Variants in METTL15 observed in about 807,000 individuals in gnomAD.
The protein encoded by METTL15 is 12S rRNA N(4)-cytidine methyltransferase METTL15.
Under a neutral mutation model 38.3 loss-of-function variants are expected in METTL15, and 34 were observed. The observed-to-expected ratio is 0.89, with a 90% confidence interval of 0.68 to 1.18. The LOEUF (loss-of-function observed/expected upper bound fraction) is 1.18, where lower values mean the gene tolerates loss of function less well. METTL15 is among the 50% of genes most tolerant of loss of function. METTL15 has a pLI of 0.00. For missense variants in METTL15, 438 were observed against 498.4 expected, an observed-to-expected ratio of 0.88 and a Z score of 1.15; for synonymous variants, 162 against 170.9, an observed-to-expected ratio of 0.95 and a Z score of 0.41.
intron 5 of METTL15, among the ~76,000 whole-genome samples, chr11:28,387,876 A>C (rs1850456914): frequency 6.6e-6 from 1 of 152,138 alleles, no homozygotes; most frequent in African/African-American, 2.4e-5. Flanking sequence ...GAGTCCTGCA[A>C]TGCAAATATG....
At position 28,278,102 on chromosome 11, in the gene METTL15, G is replaced by T. The variant is rs1428606383; in HGVS notation, c.408-12104G>T. ...AATTTCACATCTGCCCCATAAACTT[G>T]TACAAAAACAACAACCCAGAAAAGC... On this transcript the variant is annotated intron_variant, in intron 4 of 6. Transcript: ENST00000407364. Among the ~76,000 whole-genome samples the T allele has an allele frequency of 3.3e-5, 5 of 152,164 alleles. No individual in the cohort carries two copies. The South Asian group carries it at 1.0e-3, about 32-fold the overall frequency.
At chr11:28,296,122 A>T (rs1355733428) in intron 5 of METTL15, among the ~76,000 whole-genome samples, 2 of 152,102 alleles carry the variant, frequency 1.3e-5, no homozygotes, top group East Asian at 3.9e-4. Context: ...CTGCTTATTG[A>T]TTACCAGGTT....
At chr11:28,285,275 A>G (rs756296881) in intron 4 of METTL15, among the ~76,000 whole-genome samples, 2 of 152,196 alleles carry the variant, frequency 1.3e-5, no homozygotes, top group South Asian at 4.2e-4. Context: ...AGCTTGTCCA[A>G]CCCACGGCCC....
chr11:28,195,849 G>T (rs534100057), intron 3 of METTL15, among the ~76,000 whole-genome samples: 1 of 152,000 alleles, frequency 6.6e-6, no homozygotes, highest in Non-Finnish European at 1.5e-5. Context: ...TCAGGTCTTA[G>T]ATTTAAGTCT....
chr11:28,219,452 T>C (rs1049417918), intron 4 of METTL15, among the ~76,000 whole-genome samples: 1 of 152,190 alleles, frequency 6.6e-6, no homozygotes, highest in South Asian at 2.1e-4. Context: ...TTCTCTCTTT[T>C]CTTCTTTATT....
chr11:28,279,328 T>C (rs768733612), intron 4 of METTL15, among the ~76,000 whole-genome samples: 3 of 152,204 alleles, frequency 2.0e-5, no homozygotes, highest in Non-Finnish European at 2.9e-5. Context: ...AGCCTAAAAT[T>C]TGATTGTTAA....
intron 4 of METTL15, among the ~76,000 whole-genome samples, chr11:28,226,600 G>T (rs532906218): frequency 2.0e-5 from 3 of 151,920 alleles, no homozygotes; most frequent in African/African-American, 7.2e-5. Context: ...TACACAGGAA[G>T]CCAGAGCAAT....
chr11:28,318,027 C>T (rs1857540869), intron 6 of METTL15, among the ~76,000 whole-genome samples: 1 of 152,118 alleles, frequency 6.6e-6, no homozygotes, highest in Admixed American at 6.6e-5. Flanking sequence ...TTGCGTTTAC[C>T]AGAAATTTAC....
At chr11:28,469,478 TGTA>T (rs1470589939) in intron 6 of METTL15, among the ~76,000 whole-genome samples, 1 of 152,126 alleles carries the variant, frequency 6.6e-6, no homozygotes, top group African/African-American at 2.4e-5. Context: ...TATTACTAAT[TGTA>T]GTCACCATGC....
chr11:28,444,802 G>A (rs1346613656), intron 6 of METTL15, among the ~76,000 whole-genome samples: 4 of 152,092 alleles, frequency 2.6e-5, no homozygotes, highest in Admixed American at 6.5e-5. Context: ...CATTCTCACC[G>A]TAGCCTACAC....
chr11:28,173,891 T>A (rs910276286), intron 3 of METTL15, among the ~76,000 whole-genome samples: 1 of 152,224 alleles, frequency 6.6e-6, no homozygotes, highest in African/African-American at 2.4e-5. Flanking sequence ...ACTTAAGTTA[T>A]GGGTTTCGGG....
intron 5 of METTL15, among the ~76,000 whole-genome samples, chr11:28,389,325 C>T (rs1850476438): frequency 6.6e-6 from 1 of 150,688 alleles, no homozygotes. Flanking sequence ...TGGTGTGCTG[C>T]ACCCATTAAC....
intron 6 of METTL15, among the ~76,000 whole-genome samples, chr11:28,435,805 T>C (rs1197488022): frequency 2.0e-5 from 3 of 152,344 alleles, no homozygotes; most frequent in African/African-American, 7.2e-5. Flanking sequence ...TGCTAGACTT[T>C]GCCTGAATTC....
chr11:28,421,764 C>A (rs1850822462), intron 5 of METTL15, among the ~76,000 whole-genome samples: 1 of 152,072 alleles, frequency 6.6e-6, no homozygotes, highest in African/African-American at 2.4e-5. Flanking sequence ...AAACCCTTTC[C>A]TCCAAGATCT....
chr11:28,424,384 C>T (rs1752157287), intron 6 of METTL15: 1 of 151,964 alleles, frequency 6.6e-6, no homozygotes, highest in South Asian at 2.1e-4. Context: ...TATTATAGGC[C>T]CCTCTCTCCC....
chr11:28,130,232 G>A (rs1473617710), intron 3 of METTL15, among the ~76,000 whole-genome samples: 1 of 152,048 alleles, frequency 6.6e-6, no homozygotes, highest in East Asian at 1.9e-4. Context: ...GATCACACGA[G>A]CCCTGGAGGT....
chr11:28,531,350 C>T (rs1407849641), downstream of METTL15, among the ~76,000 whole-genome samples: 1 of 151,974 alleles, frequency 6.6e-6, no homozygotes, highest in African/African-American at 2.4e-5. Context: ...TCCTTGATAG[C>T]TCTAATTTCT....
intron 5 of METTL15, among the ~76,000 whole-genome samples, chr11:28,418,727 T>C (rs1196428038): frequency 6.6e-6 from 1 of 152,174 alleles, no homozygotes; most frequent in Non-Finnish European, 1.5e-5. Context: ...CCCCCATCCT[T>C]CTGCAGTGGC....
At chr11:28,437,681 C>T (rs1850995129) in intron 6 of METTL15, among the ~76,000 whole-genome samples, 3 of 152,202 alleles carry the variant, frequency 2.0e-5, no homozygotes, top group African/African-American at 7.2e-5. Flanking sequence ...GAGTCAGAAG[C>T]AATCTCATTT....
Sources: gnomAD v4.1 joint callset for allele counts (sites outside exome capture counted in the v4.1 genomes callset) on GRCh38, gnomAD v4.1.1 for gene constraint, MANE v1.5 for transcripts, NCBI Gene and HGNC (gene_info 2026-07-23, HGNC 2026-07-21) for gene names.